Variants in CSNK1G2 observed in about 807,000 individuals in gnomAD.
The protein encoded by CSNK1G2 is casein kinase 1 gamma 2.
A neutral mutation model predicts 48.0 loss-of-function variants in CSNK1G2; 11 were observed. That is an observed-to-expected ratio of 0.23 (90% CI 0.14 to 0.38). The LOEUF is 0.38. Among genes scored for constraint, CSNK1G2 ranks in the 10% least tolerant of loss-of-function variants. CSNK1G2 has a pLI of 1.00. For missense variants in CSNK1G2, 446 were observed against 595.5 expected, an observed-to-expected ratio of 0.75 and a Z score of 2.61; for synonymous variants, 337 against 254.1, an observed-to-expected ratio of 1.33 and a Z score of -3.10.
intron 2 of CSNK1G2, among the ~76,000 whole-genome samples, chr19:1,976,459 G>A (rs1389953021): frequency 1.3e-5 from 2 of 152,232 alleles, no homozygotes; most frequent in Non-Finnish European, 2.9e-5. Flanking sequence ...CTGAAATAGA[G>A]CCCAGGTAGT....
chr19:1,950,268 T>C (rs1361835512), intron 1 of CSNK1G2, among the ~76,000 whole-genome samples: 7 of 151,826 alleles, frequency 4.6e-5, no homozygotes, highest in African/African-American at 1.7e-4. Context: ...GCCTCCCGAG[T>C]AGCTGGGACT....
intron 1 of CSNK1G2, among the ~76,000 whole-genome samples, chr19:1,960,752 G>A (rs918853356): frequency 2.0e-5 from 3 of 152,084 alleles, no homozygotes; most frequent in Admixed American, 6.5e-5. Flanking sequence ...AACCGGGCAT[G>A]GTGGCACATG....
At chr19:1,964,057 T>C (rs755670762) in intron 1 of CSNK1G2, among the ~76,000 whole-genome samples, 14 of 151,982 alleles carry the variant, frequency 9.2e-5, no homozygotes, top group Non-Finnish European at 1.8e-4. Flanking sequence ...CCTCAGGTGA[T>C]CCCAAAGTGC....
intron 1 of CSNK1G2, among the ~76,000 whole-genome samples, chr19:1,967,204 C>T (rs938003752): frequency 5.9e-5 from 9 of 152,318 alleles, no homozygotes; most frequent in African/African-American, 1.9e-4. Flanking sequence ...GGCACCGGAA[C>T]GCAGGGGCCA....
At position 1,980,521 on chromosome 19, in the gene CSNK1G2, C is replaced by G; in HGVS notation, c.*318C>G. ...CTACCCCACTCCTGCCCCTCCGTTT[C>G]TTTGCTGAAGTGAGTAGTGTGATCC... On this transcript the variant is annotated 3_prime_UTR_variant, in exon 12 of 12. Transcript: ENST00000255641. 2.4e-6 allele frequency: 1 copy of G among 411,918 alleles called. No individual in the cohort carries two copies. Among genetic ancestry groups the G allele is most frequent in the Non-Finnish European group, 4.4e-6 (1 of 225,152 alleles). 25.5% of individuals were successfully genotyped at this position (411,918 alleles called of 1,614,324 possible). A position where few individuals can be genotyped will look rare whatever the true frequency, so the allele number is the denominator to read the frequency against.
At chr19:1,961,951 C>T (rs1406071168) in intron 1 of CSNK1G2, among the ~76,000 whole-genome samples, 1 of 152,204 alleles carries the variant, frequency 6.6e-6, no homozygotes, top group Non-Finnish European at 1.5e-5. Flanking sequence ...CCAGCATCAA[C>T]ACAGCACTGC....
intron 1 of CSNK1G2, among the ~76,000 whole-genome samples, chr19:1,943,882 G>A (rs537915454): frequency 2.6e-5 from 4 of 152,342 alleles, no homozygotes; most frequent in African/African-American, 7.2e-5. Context: ...GAGGCCTGGC[G>A]GAGGGCGGGT....
chr19:1,975,862 C>A, intron 2 of CSNK1G2: 1 of 792,724 alleles, frequency 1.3e-6, no homozygotes, highest in Non-Finnish European at 1.5e-6. Flanking sequence ...ATGGAGAAAG[C>A]CCATCTCTAG....
chr19:1,950,094 CA>C (rs1206116491), intron 1 of CSNK1G2, among the ~76,000 whole-genome samples: 7 of 152,078 alleles, frequency 4.6e-5, no homozygotes, highest in Non-Finnish European at 1.0e-4. Flanking sequence ...TTCGAGGCCA[CA>C]AAAATCAACG....
intron 1 of CSNK1G2, among the ~76,000 whole-genome samples, chr19:1,947,733 G>A (rs2014614105): frequency 6.6e-6 from 1 of 152,246 alleles, no homozygotes; most frequent in African/African-American, 2.4e-5. Context: ...CGACCGCAGG[G>A]GTGGTGTGCG....
At chr19:1,977,770 A>G (rs1020543921) in intron 2 of CSNK1G2, among the ~76,000 whole-genome samples, 15 of 148,934 alleles carry the variant, frequency 1.0e-4, no homozygotes, top group Non-Finnish European at 1.6e-4. Context: ...AAAAAAAAAA[A>G]GGTTCTGGGC....
intron 2 of CSNK1G2, chr19:1,975,839 C>G: frequency 1.1e-6 from 1 of 891,022 alleles, no homozygotes; most frequent in South Asian, 5.2e-5. Context: ...AGTTCGAGAC[C>G]AGCCTGGACA....
intron 1 of CSNK1G2, among the ~76,000 whole-genome samples, chr19:1,968,214 G>GT (rs2015441995): frequency 2.0e-5 from 1 of 51,198 alleles, no homozygotes. Flanking sequence ...TCCCCAGGCT[G>GT]CCCCAGACCA....
chr19:1,977,371 C>T (rs919788119), intron 2 of CSNK1G2, among the ~76,000 whole-genome samples: 1 of 152,226 alleles, frequency 6.6e-6, no homozygotes, highest in Admixed American at 6.5e-5. Flanking sequence ...GCCGTGCCCC[C>T]TCCCAGGCCG....
intron 2 of CSNK1G2, among the ~76,000 whole-genome samples, chr19:1,970,642 T>A (rs930549182): frequency 6.6e-6 from 1 of 152,124 alleles, no homozygotes; most frequent in East Asian, 1.9e-4. Context: ...CCGTTCCCAG[T>A]CTGTGATTAG....
chr19:1,942,740 A>G (rs2014414239), intron 1 of CSNK1G2: 1 of 152,198 alleles, frequency 6.6e-6, no homozygotes, highest in Non-Finnish European at 1.5e-5. Flanking sequence ...TCTGCCCTGC[A>G]CAGCCCAGCC....
At chr19:1,959,775 C>G (rs55662068) in intron 1 of CSNK1G2, among the ~76,000 whole-genome samples, 3,773 of 38,768 alleles carry the variant, frequency 0.097, 1,576 homozygotes, top group East Asian at 0.32. Flanking sequence ...CAGCACCCGT[C>G]CCACCTTTAG....
chr19:1,966,222 G>T (rs192337828), intron 1 of CSNK1G2, among the ~76,000 whole-genome samples: 1 of 152,212 alleles, frequency 6.6e-6, no homozygotes, highest in African/African-American at 2.4e-5. Context: ...AGGCTTTGCC[G>T]TTCTAGAGGC....
Position 1,978,219 on chromosome 19 carries a change from C to T in CSNK1G2, c.188-86C>T, listed in dbSNP as rs1205420407. 1 of 1,417,116 alleles carries T rather than the reference C, an allele frequency of 7.1e-7. No homozygotes were observed. Among genetic ancestry groups the T allele is most frequent in the Non-Finnish European group, 9.9e-7 (1 of 1,005,980 alleles). 87.8% of individuals were successfully genotyped at this position (1,417,116 alleles called of 1,614,324 possible). A position where few individuals can be genotyped will look rare whatever the true frequency, so the allele number is the denominator to read the frequency against. On this transcript the variant is annotated intron_variant, in intron 2 of 11. Coordinates refer to ENST00000255641, the MANE Select transcript of CSNK1G2 (RefSeq NM_001319.7). The surrounding 1 kb of genome is among the most constrained non-coding windows in gnomAD (Gnocchi z 7.3). ...GAGGGTGGTCCTTCAGGGACCCCCT[C>T]CTGCCTCCTGCCTCGGGGGTGGGCT...
Sources: allele counts gnomAD v4.1 joint callset (sites outside exome capture counted in the v4.1 genomes callset), GRCh38; gene constraint gnomAD v4.1.1; non-coding constraint Gnocchi (gnomAD v3.1); transcripts MANE v1.5; gene names NCBI Gene and HGNC (gene_info 2026-07-23, HGNC 2026-07-21).